Variants in REV3L observed in about 807,000 individuals in gnomAD.
The protein encoded by REV3L is DNA polymerase zeta catalytic subunit.
In REV3L, 69 loss-of-function variants were observed where a neutral mutation model predicts 299.4. The ratio of observed to expected loss-of-function variants is 0.23; its 90% confidence interval spans 0.19 to 0.28. REV3L has a LOEUF of 0.28. Ranked by LOEUF, REV3L falls within the 10% of genes least tolerant of loss-of-function variation. The probability of loss-of-function intolerance (pLI) is 1.00; values close to 1 mark genes in which losing one functional copy is unlikely to be tolerated. For missense variants in REV3L, 3,128 were observed against 3,693.8 expected, an observed-to-expected ratio of 0.85 and a Z score of 3.97; for synonymous variants, 1,238 against 1,271.4, an observed-to-expected ratio of 0.97 and a Z score of 0.56.
Position 111,311,211 on chromosome 6 carries a change from G to C in REV3L, c.8653C>G (p.Leu2885Val). 1 of 1,612,366 alleles carries C rather than the reference G, an allele frequency of 6.2e-7. No homozygotes were observed. Among genetic ancestry groups the C allele is most frequent in the South Asian group, 1.1e-5 (1 of 90,688 alleles). ...KLLFETRDIS[L>V]IKQYVQRQCM... ...TGTCGCTGAACATACTGTTTAATTAGACTTATATCTCTCGTTTCAAATAGC... is the reference window on the plus strand; with the variant it reads ...TGTCGCTGAACATACTGTTTAATTACACTTATATCTCTCGTTTCAAATAGC... The change falls in exon 29 of 32, where the codon CTA (leucine) becomes GTA (valine). Residue 2885 changes from leucine to valine, a missense_variant. Leu to Val is a conservative substitution (Grantham distance 32, BLOSUM62 1). This residue lies in a region of REV3L where 294 missense variants were observed against 377.0 expected (regional missense o/e 0.78). Transcript: ENST00000368802.
upstream of REV3L, chr6:111,483,414 G>C (rs1034951922): frequency 1.1e-4 from 48 of 430,370 alleles, no homozygotes; most frequent in Non-Finnish European, 1.8e-4. Context: ...GCGGCCGGCA[G>C]CGCCCGCGCG....
In REV3L at chr6:111,389,131, A is replaced by G. The variant is rs867480737; in HGVS notation, c.837T>C (p.Ser279=). ...KQRRRNRNET[S]QMSQPESQDH... ...CTTGTGACTCAGGTTGGCTCATTTG[A>G]GAAGTTTCATTTCTGTTTCTTCGCC... The change falls in exon 7 of 32, where the codon TCT becomes TCC. Residue 279 remains serine (S), a synonymous_variant. Coordinates refer to ENST00000368802, the MANE Select transcript of REV3L (RefSeq NM_001372078.1). 2 of 1,613,948 alleles carry G rather than the reference A, an allele frequency of 1.2e-6. No homozygotes were observed. The highest frequency in any genetic ancestry group is 1.7e-4 in the Middle Eastern group (1 of 6,058).
intron 1 of REV3L, among the ~76,000 whole-genome samples, chr6:111,474,988 T>TATATACACACACACACAC (rs151075609): frequency 6.9e-5 from 10 of 145,842 alleles, no homozygotes; most frequent in East Asian, 2.0e-4. Context: ...TGCCTATATA[T>TATATACACACACACACAC]ACACACACAC....
chr6:111,392,763 A>G (rs986544212), intron 5 of REV3L, 113 bp downstream of exon 5: 5 of 652,544 alleles, frequency 7.7e-6, no homozygotes, highest in African/African-American at 5.4e-5. Flanking sequence ...AAGTGTATAG[A>G]TTAAAAAGAT....
Position 111,374,164 on chromosome 6 carries a change from G to C in REV3L, c.4191C>G (p.Ile1397Met), listed in dbSNP as rs772865359. ...AATTGCGATATTCACTTAACTTTCCGATTGATGACAAATAGTTTCTTTGTA... is the reference window on the plus strand; with the variant it reads ...AATTGCGATATTCACTTAACTTTCCCATTGATGACAAATAGTTTCTTTGTA... ...NNIQRNYLSS[I>M]GKLSEYRNSL... The change falls in exon 13 of 32, where the codon ATC becomes ATG. Residue 1397 changes from isoleucine to methionine, a missense_variant. By Grantham distance (10) the Ile-to-Met change is conservative. Coordinates refer to ENST00000368802, the MANE Select transcript of REV3L (RefSeq NM_001372078.1). 6.2e-7 allele frequency: 1 copy of C among 1,613,978 alleles called. No individual in the cohort carries two copies. The highest frequency in any genetic ancestry group is 1.1e-5 in the South Asian group (1 of 91,062).
At chr6:111,420,246 C>A (rs1284688934) in intron 1 of REV3L, among the ~76,000 whole-genome samples, 1 of 152,178 alleles carries the variant, frequency 6.6e-6, no homozygotes, top group South Asian at 2.1e-4. Flanking sequence ...TTAACGTAAA[C>A]TGATACATAA....
At chr6:111,322,911 T>A (rs974770424) in intron 25 of REV3L, among the ~76,000 whole-genome samples, 3 of 152,170 alleles carry the variant, frequency 2.0e-5, no homozygotes, top group Admixed American at 1.3e-4. Flanking sequence ...TGTCTTTGAG[T>A]ATAACAGTAA....
At chr6:111,336,674 G>A (rs1408459863) in intron 21 of REV3L, among the ~76,000 whole-genome samples, 1 of 151,932 alleles carries the variant, frequency 6.6e-6, no homozygotes, top group African/African-American at 2.4e-5. Flanking sequence ...CTACTCCTAG[G>A]TACATATCCA....
chr6:111,387,845 G>C lies in REV3L; in HGVS notation c.1016C>G (p.Ser339Cys). 6.2e-7 allele frequency: 1 copy of C among 1,613,748 alleles called. No individual in the cohort carries two copies. The highest frequency in any genetic ancestry group is 8.5e-7 in the Non-Finnish European group (1 of 1,179,766). The change falls in exon 9 of 32, where the codon TCT becomes TGT. Residue 339 changes from serine to cysteine, a missense_variant. By Grantham distance (112) the Ser-to-Cys change is moderately radical. Transcript: ENST00000368802. ...AAGCATTTCAGGAGACAGAACCTCA[G>C]AGTGCAATGTTAACTCAGCAGAGAA... ...QEFSAELTLH[S>C]EVLSPEMLQC...
At chr6:111,429,788 C>T (rs942629220) in intron 1 of REV3L, among the ~76,000 whole-genome samples, 6 of 151,940 alleles carry the variant, frequency 3.9e-5, no homozygotes, top group Non-Finnish European at 8.8e-5. Context: ...GGGCCTGGCG[C>T]GGGGGGTGAG....
chr6:111,353,207 T>C lies in REV3L; in HGVS notation c.7185-1416A>G, dbSNP rs17539868. On this transcript the variant is annotated intron_variant, in intron 18 of 31. Coordinates refer to ENST00000368802, the MANE Select transcript of REV3L (RefSeq NM_001372078.1). ...TGATATAAGCTATCTATGGCTACTC[T>C]GCAAGTCTGGCATAACAATGGATCA... 2.3e-3 allele frequency among the ~76,000 whole-genome samples: 351 copies of C among 152,336 alleles called. 2 individuals are homozygous for C. Among genetic ancestry groups the C allele is most frequent in the African/African-American group, 8.2e-3 (340 of 41,574 alleles).
intron 1 of REV3L, among the ~76,000 whole-genome samples, chr6:111,431,985 T>A (rs542430791): frequency 4.6e-5 from 7 of 152,276 alleles, no homozygotes; most frequent in African/African-American, 1.4e-4. Context: ...TTAAAAAAAA[T>A]TTCTATTCTT....
intron 19 of REV3L, among the ~76,000 whole-genome samples, chr6:111,350,226 G>A (rs1410967232): frequency 6.6e-6 from 1 of 152,020 alleles, no homozygotes; most frequent in Non-Finnish European, 1.5e-5. Flanking sequence ...AGATCTTACA[G>A]TAAGAAAACT....
chr6:111,401,297 T>C (rs372309193), intron 4 of REV3L, among the ~76,000 whole-genome samples: 26 of 152,308 alleles, frequency 1.7e-4, no homozygotes, highest in Admixed American at 1.6e-3. Flanking sequence ...TGGTGGACAG[T>C]TGTCTCTGTC....
At chr6:111,328,031 C>G (rs1299208335) in intron 25 of REV3L, among the ~76,000 whole-genome samples, 1 of 152,098 alleles carries the variant, frequency 6.6e-6, no homozygotes, top group Admixed American at 6.5e-5. Flanking sequence ...CACAATATAA[C>G]AAGTTACTCT....
chr6:111,465,842 T>C (rs974870968), intron 1 of REV3L, among the ~76,000 whole-genome samples: 3 of 151,218 alleles, frequency 2.0e-5, no homozygotes, highest in Non-Finnish European at 4.4e-5. Context: ...AAAAACGATT[T>C]ATACAATATA....
At chr6:111,390,919 A>G (rs1387953563) in intron 5 of REV3L, among the ~76,000 whole-genome samples, 3 of 152,138 alleles carry the variant, frequency 2.0e-5, no homozygotes, top group African/African-American at 7.2e-5. Context: ...ATGAAGAGAT[A>G]ACATCTAGTG....
At chr6:111,366,133 A>G (rs1452770454) in intron 14 of REV3L, among the ~76,000 whole-genome samples, 4 of 152,210 alleles carry the variant, frequency 2.6e-5, no homozygotes, top group African/African-American at 4.8e-5. Context: ...ATTCATTGAA[A>G]TAAGGAAAAC....
chr6:111,479,412 G>A (rs1269747088), intron 1 of REV3L, among the ~76,000 whole-genome samples: 1 of 151,240 alleles, frequency 6.6e-6, no homozygotes, highest in African/African-American at 2.4e-5. Flanking sequence ...CTCAGATGAA[G>A]AAACTTTAAG....
Sources: allele counts gnomAD v4.1 joint callset (sites outside exome capture counted in the v4.1 genomes callset), GRCh38; gene constraint gnomAD v4.1.1; regional missense constraint gnomAD v4.1.1; transcripts MANE v1.5; gene names NCBI Gene and HGNC (gene_info 2026-07-23, HGNC 2026-07-21).